The following MUC12 variants were observed in gnomAD, a reference collection of about 807,000 sequenced individuals.
MUC12 encodes the protein mucin-12.
In MUC12, 172 loss-of-function variants were observed where a neutral mutation model predicts 230.8. The observed-to-expected ratio is 0.75, with a 90% confidence interval of 0.66 to 0.85. MUC12 has a LOEUF of 0.85. Ranked by LOEUF, MUC12 falls within the 40% of genes least tolerant of loss-of-function variation. The probability of loss-of-function intolerance (pLI) is 0.00; values close to 1 mark genes in which losing one functional copy is unlikely to be tolerated. For synonymous variants in MUC12, 1,259 were observed against 2,401.9 expected, an observed-to-expected ratio of 0.52 and a Z score of 13.91; for missense variants, 3,506 against 5,920.6, an observed-to-expected ratio of 0.59 and a Z score of 13.38.
chr7:101,014,225 C>A, intron 9 of MUC12, 151 bp downstream of exon 9: 1 of 851,766 alleles, frequency 1.2e-6, no homozygotes, highest in Non-Finnish European at 1.7e-6. Context: ...CCTCCCAGCC[C>A]TGGGTGCAGC....
chr7:101,015,362 GC>G, intron 9 of MUC12: 1 of 509,564 alleles, frequency 2.0e-6, no homozygotes, highest in South Asian at 2.2e-5. Flanking sequence ...GCTACCCTAC[GC>G]CCCCATCTCA....
chr7:100,985,106 A>T (rs1482444292), intron 1 of MUC12, among the ~76,000 whole-genome samples: 1 of 152,068 alleles, frequency 6.6e-6, no homozygotes, highest in Admixed American at 6.6e-5. Flanking sequence ...ACCTTAGGTG[A>T]TTGAGGGCCT....
chr7:101,014,071 A>G lies in MUC12; in HGVS notation c.15797A>G (p.His5266Arg). Residue 5266 changes from histidine (H) to arginine (R), a missense_variant, in exon 9 of 12, where the codon CAC (histidine) becomes CGC (arginine). Transcript: ENST00000536621. Reference sequence around the variant, plus strand: ...TTCAGCCTATCCCAGAGAAAACGGCACAGGTGAGCTTGTGAGGCCAGCACC... The same window carrying G: ...TTCAGCCTATCCCAGAGAAAACGGCGCAGGTGAGCTTGTGAGGCCAGCACC... ...ILFSLSQRKR[H>R]REQYDVPQEW... The G allele has an allele frequency of 6.5e-7, 1 of 1,532,214 alleles. No individual in the cohort carries two copies. The allele number at this position is 1,532,214 out of a possible 1,614,324, so 94.9% of individuals were successfully genotyped here. A position where few individuals can be genotyped will look rare whatever the true frequency, so the allele number is the denominator to read the frequency against.
In MUC12 at chr7:100,991,585, C is replaced by G; in HGVS notation, c.1022C>G (p.Ala341Gly). The stretch of plus-strand genomic sequence containing the variant: ...GTCCACAGCAGCCCAGTTGCAACTG[C>G]AACAACACCCCCACCTGCCCGCTCC... ...TPVHSSPVATATTPPPARSAT... is the reference protein window; with the variant it reads ...TPVHSSPVATGTTPPPARSAT... Residue 341 changes from alanine to glycine, a missense_variant, in exon 2 of 12, where the codon GCA becomes GGA. Physicochemically the swap from Ala to Gly is moderately conservative, Grantham distance 60 (BLOSUM62 0). Coordinates refer to ENST00000536621, the MANE Select transcript of MUC12 (RefSeq NM_001164462.2). The G allele has an allele frequency of 1.3e-6, 2 of 1,536,774 alleles. No homozygotes were observed. Among genetic ancestry groups the G allele is most frequent in the Middle Eastern group, 1.7e-4 (1 of 5,994 alleles).
rs1793346042 is a variant in MUC12, at chr7:100,992,477, A to C, written c.1914A>C (p.Pro638=). 1 of 1,537,892 alleles carries C rather than the reference A, an allele frequency of 6.5e-7. No homozygotes were observed. The highest frequency in any genetic ancestry group is 1.4e-5 in the African/African-American group (1 of 73,152). ...AATCTACCACATTCCATAGCTGGCCAAGCTCAAAGGACACTAGGCCTGCAC... is the reference window on the plus strand; with the variant it reads ...AATCTACCACATTCCATAGCTGGCCCAGCTCAAAGGACACTAGGCCTGCAC... ...QGESTTFHSW[P]SSKDTRPAPP... Residue 638 remains proline (P), a synonymous_variant, in exon 2 of 12, where the codon CCA becomes CCC. Coordinates refer to ENST00000536621, the MANE Select transcript of MUC12 (RefSeq NM_001164462.2).
rs565524249 is a variant in MUC12, at chr7:100,991,203, C to T, written c.640C>T (p.Pro214Ser). The T allele has an allele frequency of 1.3e-6, 2 of 1,537,510 alleles. No individual in the cohort carries two copies. Among genetic ancestry groups the T allele is most frequent in the Admixed American group, 2.0e-5 (1 of 50,962 alleles). Reference sequence around the variant, plus strand: ...AACACTGTCCCCTGGCACTACCACACCATCATCCCTTGGTCCAGAATCTAC... The same window carrying T: ...AACACTGTCCCCTGGCACTACCACATCATCATCCCTTGGTCCAGAATCTAC... ...DTTLSPGTTTPSSLGPESTTF... is the reference protein window; with the variant it reads ...DTTLSPGTTTSSSLGPESTTF... The change falls in exon 2 of 12, where the codon CCA (proline) becomes TCA (serine). Residue 214 changes from proline to serine, a missense_variant. By Grantham distance (74) the Pro-to-Ser change is moderately conservative. Coordinates refer to ENST00000536621, the MANE Select transcript of MUC12 (RefSeq NM_001164462.2).
At chr7:100,984,401 C>T (rs1434518172) in intron 1 of MUC12, among the ~76,000 whole-genome samples, 4 of 151,854 alleles carry the variant, frequency 2.6e-5, no homozygotes, top group Admixed American at 2.0e-4. Context: ...GGATTACAGG[C>T]GCCCACCACC....
intron 5 of MUC12, 21 bp downstream of exon 5, chr7:101,009,180 G>C (rs1236004180): frequency 6.5e-7 from 1 of 1,533,966 alleles, no homozygotes; most frequent in Non-Finnish European, 8.7e-7. Flanking sequence ...TGGGGGGCAG[G>C]TTTATAGATG....
rs374128187 is a variant in MUC12, at chr7:100,991,093, C to A, written c.530C>A (p.Thr177Lys). Residue 177 changes from threonine (T) to lysine (K), a missense_variant, in exon 2 of 12, where the codon ACA becomes AAA. Physicochemically the swap from Thr to Lys is moderately conservative, Grantham distance 78 (BLOSUM62 -1). Coordinates refer to ENST00000536621, the MANE Select transcript of MUC12 (RefSeq NM_001164462.2). ...CACAGCCGACCAGGCCCAACGCACA[C>A]AATAGCGTTCCCTGACAGTACCACC... ...TSHSRPGPTH[T>K]IAFPDSTTMP... 2.6e-4 allele frequency: 403 copies of A among 1,537,546 alleles called. No homozygotes were observed. In the Middle Eastern group the frequency reaches 5.2e-3, roughly 20 times the overall value.
At chr7:100,990,599 T>C (rs1271212269) in intron 1 of MUC12, 32 bp from the exon 2 acceptor site, 5 of 1,537,074 alleles carry the variant, frequency 3.3e-6, no homozygotes, top group Non-Finnish European at 4.4e-6. Flanking sequence ...TCATAAATCA[T>C]AGCACTTTCT....
intron 5 of MUC12, 120 bp downstream of exon 5, chr7:101,009,279 A>C: frequency 1.0e-6 from 1 of 990,820 alleles, no homozygotes; most frequent in Non-Finnish European, 1.5e-6. Context: ...AGAGTCCTGC[A>C]GCCGCTAGGG....
In MUC12 at chr7:100,991,024, C is replaced by T. The variant is rs1243756238; in HGVS notation, c.461C>T (p.Ala154Val). The T allele has an allele frequency of 2.0e-6, 3 of 1,537,770 alleles. No homozygotes were observed. The highest frequency in any genetic ancestry group is 3.9e-5 in the Admixed American group (2 of 50,962). Residue 154 changes from alanine to valine, a missense_variant, in exon 2 of 12, where the codon GCC becomes GTC. Ala to Val is a moderately conservative substitution (Grantham distance 64). Transcript: ENST00000536621. ...PRSPDRTLSPARTTSSGVSEK... is the reference protein window; with the variant it reads ...PRSPDRTLSPVRTTSSGVSEK... Reference sequence around the variant, plus strand: ...TCACCAGACAGAACACTCTCACCTGCCCGCACGACAAGCTCAGGCGTCAGT... The same window carrying T: ...TCACCAGACAGAACACTCTCACCTGTCCGCACGACAAGCTCAGGCGTCAGT...
chr7:101,013,911 A>G lies in MUC12; in HGVS notation c.15639-2A>G, dbSNP rs1005986505. 2.6e-6 allele frequency: 4 copies of G among 1,532,802 alleles called. No individual in the cohort carries two copies. Among genetic ancestry groups the G allele is most frequent in the Non-Finnish European group, 3.5e-6 (4 of 1,144,604 alleles). The allele number at this position is 1,532,802 out of a possible 1,614,324, so 95.0% of individuals were successfully genotyped here. ...TCAGCGTGAGCTTGTCTGTGTCCCC[A>G]GGTGCCCAAATACGAACACACACTG... On this transcript the variant is annotated splice_acceptor_variant, in intron 8 of 11. Transcript: ENST00000536621. LOFTEE classifies it high-confidence loss of function.
rs917014655 is a variant in MUC12 at position 101,012,433 on chromosome 7, C to T, written c.15389C>T (p.Pro5130Leu). ...MNETRTTLLD[P>L]DSCRKAILCY... is the part of the protein sequence containing the mutation. ...GAAACTAGAACAACTCTTCTTGATCCTGATTCCTGCAGAAGTAAGCTCACC... is the reference window on the plus strand; with the variant it reads ...GAAACTAGAACAACTCTTCTTGATCTTGATTCCTGCAGAAGTAAGCTCACC... The change falls in exon 6 of 12, where the codon CCT becomes CTT. Residue 5130 changes from proline (P) to leucine (L), a missense_variant. Pro to Leu is a moderately conservative substitution (Grantham distance 98). Coordinates refer to ENST00000536621, the MANE Select transcript of MUC12 (RefSeq NM_001164462.2). The T allele has an allele frequency of 6.5e-7, 1 of 1,537,852 alleles. No individual in the cohort carries two copies. Among genetic ancestry groups the T allele is most frequent in the Non-Finnish European group, 8.7e-7 (1 of 1,147,024 alleles).
rs187277419 is a variant in MUC12, at chr7:101,013,991, C to G, written c.15717C>G (p.Ile5239Met). Reference sequence around the variant, plus strand: ...TCGCCAAGAGCCTCGTGTATGGGATCGTGGGGGCTGTGATGGCGGTGCTGC... The same window carrying G: ...TCGCCAAGAGCCTCGTGTATGGGATGGTGGGGGCTGTGATGGCGGTGCTGC... ...FNIAKSLVYGIVGAVMAVLLL... is the reference protein window; with the variant it reads ...FNIAKSLVYGMVGAVMAVLLL... The change falls in exon 9 of 12, where the codon ATC (isoleucine) becomes ATG (methionine). Residue 5239 changes from isoleucine to methionine, a missense_variant. Transcript: ENST00000536621. 1.3e-6 allele frequency: 2 copies of G among 1,535,932 alleles called. No homozygotes were observed. Among genetic ancestry groups the G allele is most frequent in the Admixed American group, 3.9e-5 (2 of 50,716 alleles).
rs60210838 is a variant in MUC12 at position 101,018,835 on chromosome 7, C to G, written c.*199C>G. 3 of 505,208 alleles carry G rather than the reference C, an allele frequency of 5.9e-6. No individual in the cohort carries two copies. In the East Asian group the frequency reaches 1.0e-4, roughly 18 times the overall value. 31.3% of individuals were successfully genotyped at this position (505,208 alleles called of 1,614,324 possible). A position where few individuals can be genotyped will look rare whatever the true frequency, so the allele number is the denominator to read the frequency against. On this transcript the variant is annotated 3_prime_UTR_variant, in exon 12 of 12. Transcript: ENST00000536621. Reference sequence around the variant, plus strand: ...GCTGGGGGCTGTAAGCCTCTCCATCCGGGAGCTTCCAGACTCCCAGAAGCC... The same window carrying G: ...GCTGGGGGCTGTAAGCCTCTCCATCGGGGAGCTTCCAGACTCCCAGAAGCC...
intron 5 of MUC12, among the ~76,000 whole-genome samples, chr7:101,011,567 G>A (rs1487222362): frequency 2.6e-5 from 4 of 151,994 alleles, no homozygotes; most frequent in Non-Finnish European, 4.4e-5. Context: ...GACTACAAGC[G>A]TGCACTAACT....
chr7:100,975,798 A>C (rs907628177), intron 1 of MUC12, among the ~76,000 whole-genome samples: 3 of 152,310 alleles, frequency 2.0e-5, no homozygotes, highest in African/African-American at 7.2e-5. Context: ...TCAGAACTGC[A>C]TTGTCTGAAC....
In MUC12 at chr7:101,004,602, G is replaced by A; in HGVS notation, c.14039G>A (p.Ser4680Asn). ...GAGAGCTCCACAACCTCCGGCCGTA[G>A]TGAGGAATCAACAGCATCCCACAGC... ...FPESSTTSGR[S>N]EESTASHSSP... Residue 4680 changes from serine to asparagine, a missense_variant, in exon 2 of 12, where the codon AGT (serine) becomes AAT (asparagine). Ser to Asn is a conservative substitution (Grantham distance 46). Coordinates refer to ENST00000536621, the MANE Select transcript of MUC12 (RefSeq NM_001164462.2). 1 of 1,536,776 alleles carries A rather than the reference G, an allele frequency of 6.5e-7. No individual in the cohort carries two copies. The highest frequency in any genetic ancestry group is 8.7e-7 in the Non-Finnish European group (1 of 1,146,172).
Sources: gnomAD v4.1 joint callset for allele counts (sites outside exome capture counted in the v4.1 genomes callset) on GRCh38, gnomAD v4.1.1 for gene constraint, MANE v1.5 for transcripts, NCBI Gene and HGNC (gene_info 2026-07-23, HGNC 2026-07-21) for gene names.